The following TBL1XR1 variants were observed in gnomAD, a reference collection of about 807,000 sequenced individuals.
TBL1XR1 encodes F-box-like/WD repeat-containing protein TBL1XR1.
Under a neutral mutation model 66.9 loss-of-function variants are expected in TBL1XR1, and 5 were observed. The ratio of observed to expected loss-of-function variants is 0.07; its 90% CI spans 0.04 to 0.16. The LOEUF is 0.16. TBL1XR1 is among the 10% of genes least tolerant of loss of function. The probability of loss-of-function intolerance (pLI) is 1.00; values close to 1 mark genes in which losing one functional copy is unlikely to be tolerated. For synonymous variants in TBL1XR1, 210 were observed against 206.0 expected, an observed-to-expected ratio of 1.02 and a Z score of -0.17; for missense variants, 238 against 623.2, an observed-to-expected ratio of 0.38 and a Z score of 6.58.
At position 177,023,923 on chromosome 3, in the gene TBL1XR1, C is replaced by T. The variant is rs1712724726; in HGVS notation, c.*1575G>A. 6.6e-6 allele frequency: 1 copy of T among 151,996 alleles called. No homozygotes were observed. The highest frequency in any genetic ancestry group is 1.5e-5 in the Non-Finnish European group (1 of 67,906). The allele number at this position is 151,996 out of a possible 1,614,324, so 9.4% of individuals were successfully genotyped here. A position where few individuals can be genotyped will look rare whatever the true frequency, so the allele number is the denominator to read the frequency against. Reference sequence around the variant, plus strand: ...GACTATTCTCTTCAGAAATGACATACCTGGATTATGTTAATCATGACAAGC... The same window carrying T: ...GACTATTCTCTTCAGAAATGACATATCTGGATTATGTTAATCATGACAAGC... On this transcript the variant is annotated 3_prime_UTR_variant, in exon 16 of 16. Coordinates refer to ENST00000457928, the MANE Select transcript of TBL1XR1 (RefSeq NM_024665.7).
upstream of TBL1XR1, among the ~76,000 whole-genome samples, chr3:177,199,246 A>G (rs766398749): frequency 6.6e-6 from 1 of 152,264 alleles, no homozygotes; most frequent in African/African-American, 2.4e-5. Context: ...AACACTATGC[A>G]GAGTGTACAG....
intron 11 of TBL1XR1, 61 bp from the exon 12 acceptor site, chr3:177,038,233 TAAAC>T: frequency 6.2e-7 from 1 of 1,600,264 alleles, no homozygotes; most frequent in Non-Finnish European, 8.5e-7. Flanking sequence ...ACTTGAATAT[TAAAC>T]ATACATACTT....
At chr3:177,152,566 T>G (rs1420461195) in intron 1 of TBL1XR1, among the ~76,000 whole-genome samples, 2 of 152,222 alleles carry the variant, frequency 1.3e-5, no homozygotes, top group Non-Finnish European at 2.9e-5. Flanking sequence ...ATTACAGGCG[T>G]GAGCGTGAGC....
At chr3:177,034,098 AG>A in intron 13 of TBL1XR1, 99 bp downstream of exon 13, 3 of 1,290,446 alleles carry the variant, frequency 2.3e-6, no homozygotes, top group East Asian at 2.5e-5. Context: ...AAAAAAAAAA[AG>A]TTTCCACTTC....
chr3:177,197,563 CGCG>C (rs550182398), upstream of TBL1XR1, among the ~76,000 whole-genome samples: 11 of 144,358 alleles, frequency 7.6e-5, no homozygotes, highest in East Asian at 2.1e-4. Context: ...TCGCGAGGCC[CGCG>C]GCGGCGGCGG....
chr3:177,189,959 C>A (rs780796357), intron 1 of TBL1XR1, among the ~76,000 whole-genome samples: 1 of 151,700 alleles, frequency 6.6e-6, no homozygotes, highest in East Asian at 1.9e-4. Flanking sequence ...GAAGAAAAAA[C>A]CTAACAGATT....
chr3:177,135,371 ATATATATATATGTATG>A (rs1728861807), intron 1 of TBL1XR1, among the ~76,000 whole-genome samples: 1 of 32,266 alleles, frequency 3.1e-5, no homozygotes, highest in Non-Finnish European at 5.1e-5. Flanking sequence ...ATATATATAT[ATATATATATATGTATG>A]TATTTTTTTT....
At chr3:177,096,323 A>AACACACACACACACACACAC (rs1723470423) in intron 2 of TBL1XR1, among the ~76,000 whole-genome samples, 1 of 106,018 alleles carries the variant, frequency 9.4e-6, no homozygotes, top group Non-Finnish European at 2.1e-5. Flanking sequence ...AACACACACT[A>AACACACACACACACACACAC]ACATACATAC....
chr3:177,082,825 G>A (rs2108611809), intron 2 of TBL1XR1, among the ~76,000 whole-genome samples: 1 of 140,874 alleles, frequency 7.1e-6, no homozygotes. Context: ...GCACCATCTG[G>A]GCTCACTGCA....
intron 1 of TBL1XR1, among the ~76,000 whole-genome samples, chr3:177,154,003 A>G (rs1459235447): frequency 6.6e-6 from 1 of 151,180 alleles, no homozygotes; most frequent in Non-Finnish European, 1.5e-5. Flanking sequence ...AGGCGCCAAG[A>G]AAAAAAAAGA....
chr3:177,082,738 T>TTTTATATATA lies in TBL1XR1; in HGVS notation c.-46+15727_-46+15728insTATATATAAA, dbSNP rs1450061640. Among the ~76,000 whole-genome samples the TTTTATATATA allele has an allele frequency of 3.8e-3, 238 of 63,226 alleles. 18 individuals are homozygous for TTTTATATATA. The highest frequency in any genetic ancestry group is 0.013 in the East Asian group (26 of 2,006). 41.5% of individuals were successfully genotyped at this position (63,226 alleles called of 152,430 possible). On this transcript the variant is annotated intron_variant, in intron 2 of 15. Transcript: ENST00000457928. ...TATTACTAAATTTCTAAGATAGAGATTATATATATATATATATATATATAT... is the reference window on the plus strand; with the variant it reads ...TATTACTAAATTTCTAAGATAGAGATTTTATATATATATATATATATATATATATATATAT...
chr3:177,112,107 A>ATATATATTTTT, intron 1 of TBL1XR1, among the ~76,000 whole-genome samples: 2 of 37,648 alleles, frequency 5.3e-5, no homozygotes, highest in Non-Finnish European at 8.9e-5. Context: ...ATATATATAT[A>ATATATATTTTT]TTTTTTTTTT....
intron 2 of TBL1XR1, among the ~76,000 whole-genome samples, chr3:177,085,621 T>C (rs1478622583): frequency 6.6e-6 from 1 of 151,664 alleles, no homozygotes; most frequent in Non-Finnish European, 1.5e-5. Context: ...ACTGAAAAAA[T>C]ATGGGAAAAA....
intron 1 of TBL1XR1, among the ~76,000 whole-genome samples, chr3:177,173,761 A>G (rs757425080): frequency 6.6e-6 from 1 of 152,218 alleles, no homozygotes; most frequent in Non-Finnish European, 1.5e-5. Flanking sequence ...GGTTTGATAA[A>G]TACACCATGG....
intron 1 of TBL1XR1, among the ~76,000 whole-genome samples, chr3:177,166,658 C>T (rs1453906994): frequency 6.6e-6 from 1 of 152,166 alleles, no homozygotes; most frequent in African/African-American, 2.4e-5. Flanking sequence ...CCTGAGGCCT[C>T]CCCAGCCATG....
At chr3:177,189,458 G>A (rs1358453648) in intron 1 of TBL1XR1, among the ~76,000 whole-genome samples, 1 of 151,718 alleles carries the variant, frequency 6.6e-6, no homozygotes, top group Non-Finnish European at 1.5e-5. Flanking sequence ...TTCAAGACCA[G>A]CCTAGCCAAC....
intron 2 of TBL1XR1, among the ~76,000 whole-genome samples, chr3:177,071,100 G>A (rs988004437): frequency 2.8e-5 from 4 of 143,972 alleles, no homozygotes; most frequent in African/African-American, 7.8e-5. Flanking sequence ...GTGCGATCTC[G>A]GCTCACTGCA....
At chr3:177,154,735 A>AT (rs1731294149) in intron 1 of TBL1XR1, among the ~76,000 whole-genome samples, 1 of 152,174 alleles carries the variant, frequency 6.6e-6, no homozygotes. Context: ...AGAGTTGGAG[A>AT]TTAACACCCT....
At chr3:177,150,246 C>T (rs1730726954) in intron 1 of TBL1XR1, among the ~76,000 whole-genome samples, 2 of 152,142 alleles carry the variant, frequency 1.3e-5, no homozygotes. Flanking sequence ...AATTAACAAA[C>T]TGGCCTTAGA....
Sources: gnomAD v4.1 joint callset for allele counts (sites outside exome capture counted in the v4.1 genomes callset) on GRCh38, gnomAD v4.1.1 for gene constraint, MANE v1.5 for transcripts, NCBI Gene and HGNC (gene_info 2026-07-23, HGNC 2026-07-21) for gene names.